The following HUNK variants were observed in gnomAD, a reference collection of about 807,000 sequenced individuals.
HUNK encodes the protein hormonally up-regulated Neu-associated kinase.
HUNK carries 21 observed loss-of-function variants against 61.0 expected under a neutral mutation model. The ratio of observed to expected loss-of-function variants is 0.34; its 90% CI spans 0.24 to 0.50. The LOEUF is 0.50. Ranked by LOEUF, HUNK falls within the 20% of genes least tolerant of loss-of-function variation. The probability of loss-of-function intolerance (pLI) is 0.98; values close to 1 mark genes in which losing one functional copy is unlikely to be tolerated. For missense variants in HUNK, 772 were observed against 945.7 expected, an observed-to-expected ratio of 0.82 and a Z score of 2.41; for synonymous variants, 371 against 386.1, an observed-to-expected ratio of 0.96 and a Z score of 0.46.
chr21:31,985,120 C>G (rs1209272828), intron 8 of HUNK, among the ~76,000 whole-genome samples: 1 of 152,152 alleles, frequency 6.6e-6, no homozygotes, highest in African/African-American at 2.4e-5. Flanking sequence ...TGTCCCCGCC[C>G]TTGACACATG....
At chr21:31,897,294 G>T (rs2052431726) in intron 1 of HUNK, among the ~76,000 whole-genome samples, 1 of 152,120 alleles carries the variant, frequency 6.6e-6, no homozygotes, top group Non-Finnish European at 1.5e-5. Context: ...AAACTGTGTG[G>T]CTTCAACAAT....
At chr21:31,941,208 T>G (rs1460476232) in intron 3 of HUNK, among the ~76,000 whole-genome samples, 1 of 152,228 alleles carries the variant, frequency 6.6e-6, no homozygotes, top group Non-Finnish European at 1.5e-5. Flanking sequence ...AGAGAGTTAA[T>G]CGTGAAGAGG....
At chr21:31,945,340 C>T (rs181755613) in intron 3 of HUNK, among the ~76,000 whole-genome samples, 148 of 152,240 alleles carry the variant, frequency 9.7e-4, no homozygotes, top group African/African-American at 3.5e-3. Flanking sequence ...CCCCCTCTTC[C>T]TGGGCATCTT....
intron 1 of HUNK, among the ~76,000 whole-genome samples, chr21:31,919,411 G>GAAAGAACTGCCT (rs1032549803): frequency 4.6e-5 from 7 of 152,182 alleles, no homozygotes; most frequent in African/African-American, 1.4e-4. Flanking sequence ...GGAAGGTACA[G>GAAAGAACTGCCT]GAAGAACTGC....
At chr21:31,949,133 T>C (rs2052831168) in intron 4 of HUNK, among the ~76,000 whole-genome samples, 1 of 152,254 alleles carries the variant, frequency 6.6e-6, no homozygotes, top group South Asian at 2.1e-4. Flanking sequence ...AGCCACACTT[T>C]GCTGAAGGCT....
chr21:31,931,863 T>A (rs368319444), intron 2 of HUNK, among the ~76,000 whole-genome samples: 1 of 152,056 alleles, frequency 6.6e-6, no homozygotes, highest in Admixed American at 6.5e-5. Flanking sequence ...AGAGACTGCC[T>A]TCTCCCATCT....
At chr21:31,934,811 C>T (rs2052722132) in intron 2 of HUNK, among the ~76,000 whole-genome samples, 1 of 152,112 alleles carries the variant, frequency 6.6e-6, no homozygotes, top group Non-Finnish European at 1.5e-5. Flanking sequence ...CTTCGAGCGG[C>T]ATCCATGTTG....
intron 9 of HUNK, among the ~76,000 whole-genome samples, chr21:31,995,436 A>G (rs1050517518): frequency 7.9e-5 from 12 of 152,226 alleles, no homozygotes; most frequent in Non-Finnish European, 1.6e-4. Context: ...GTGGGTTTCC[A>G]GAAGTCCTGC....
chr21:31,885,317 T>G (rs2052338376), intron 1 of HUNK, among the ~76,000 whole-genome samples: 1 of 152,196 alleles, frequency 6.6e-6, no homozygotes. Context: ...TTCGAGGGGC[T>G]CTGTCTATTT....
At chr21:31,954,953 T>G (rs1029278651) in intron 4 of HUNK, among the ~76,000 whole-genome samples, 2 of 152,002 alleles carry the variant, frequency 1.3e-5, no homozygotes, top group Non-Finnish European at 2.9e-5. Context: ...TGGCTAATTT[T>G]GGTATTTTTT....
intron 2 of HUNK, among the ~76,000 whole-genome samples, chr21:31,934,957 C>T (rs1425071496): frequency 6.6e-6 from 1 of 152,118 alleles, no homozygotes; most frequent in Non-Finnish European, 1.5e-5. Flanking sequence ...GTGAATAGCG[C>T]TGTAGTGTCT....
At chr21:31,923,717 C>G (rs2052640438) in intron 1 of HUNK, among the ~76,000 whole-genome samples, 1 of 152,210 alleles carries the variant, frequency 6.6e-6, no homozygotes, top group African/African-American at 2.4e-5. Context: ...GTTCCTCCAT[C>G]CTTCCTTCTG....
chr21:31,892,438 C>T (rs1043118125), intron 1 of HUNK, among the ~76,000 whole-genome samples: 18 of 151,220 alleles, frequency 1.2e-4, no homozygotes, highest in Admixed American at 2.6e-4. Context: ...AGCCTGGTGG[C>T]GCATGCCTGT....
rs1389369939 is a variant in HUNK at position 31,873,997 on chromosome 21, G to T, written c.261+62G>T. ...GGCGGGAGTCGGCGGCCAGGACCCC[G>T]CGGGGAGCACTGCACTGGGAGTCCC... On this transcript the variant is annotated intron_variant, in intron 1 of 10. Coordinates refer to ENST00000270112, the MANE Select transcript of HUNK (RefSeq NM_014586.2). The surrounding 1 kb of genome is among the most constrained non-coding windows in gnomAD (Gnocchi z 6.1). 70 of 1,308,780 alleles carry T rather than the reference G, an allele frequency of 5.3e-5. No homozygotes were observed. Among genetic ancestry groups the T allele is most frequent in the Non-Finnish European group, 6.6e-5 (66 of 1,000,020 alleles). The allele number at this position is 1,308,780 out of a possible 1,614,324, so 81.1% of individuals were successfully genotyped here.
intron 1 of HUNK, among the ~76,000 whole-genome samples, chr21:31,910,312 C>T (rs1601372609): frequency 1.3e-5 from 2 of 152,078 alleles, no homozygotes; most frequent in Admixed American, 6.6e-5. Context: ...ACTGTGTCTT[C>T]GCACAGACAT....
In HUNK at chr21:31,950,724, A is replaced by G. The variant is rs528317462; in HGVS notation, c.746+4553A>G. 2.6e-5 allele frequency among the ~76,000 whole-genome samples: 4 copies of G among 152,326 alleles called. No homozygotes were observed. In the South Asian group the frequency reaches 6.2e-4, roughly 24 times the overall value. On this transcript the variant is annotated intron_variant, in intron 4 of 10. Coordinates refer to ENST00000270112, the MANE Select transcript of HUNK (RefSeq NM_014586.2). ...CTGGCAGAAGTGGAAATGGAAAACC[A>G]AAATTGAATTTAATGTAGAAGGCTG...
intron 5 of HUNK, among the ~76,000 whole-genome samples, chr21:31,968,030 T>G (rs1381470021): frequency 6.6e-6 from 1 of 151,914 alleles, no homozygotes; most frequent in Non-Finnish European, 1.5e-5. Context: ...GAGGGGGAAA[T>G]GGGATTTTCC....
At chr21:31,976,269 A>G (rs922071937) in intron 7 of HUNK, among the ~76,000 whole-genome samples, 1 of 152,116 alleles carries the variant, frequency 6.6e-6, no homozygotes, top group African/African-American at 2.4e-5. Context: ...GAGATGTCAA[A>G]TCCAGAAAGA....
intron 1 of HUNK, among the ~76,000 whole-genome samples, chr21:31,884,549 G>A (rs1355406619): frequency 4.6e-5 from 7 of 151,770 alleles, no homozygotes; most frequent in Non-Finnish European, 1.0e-4. Context: ...CCAAGATCAT[G>A]ACATTGCACT....
Sources: allele counts gnomAD v4.1 joint callset (sites outside exome capture counted in the v4.1 genomes callset), GRCh38; gene constraint gnomAD v4.1.1; non-coding constraint Gnocchi (gnomAD v3.1); transcripts MANE v1.5; gene names NCBI Gene and HGNC (gene_info 2026-07-23, HGNC 2026-07-21).